MTUS1: variants seen among roughly 807,000 people sequenced by gnomAD.
MTUS1 encodes the protein microtubule associated scaffold protein 1.
Under a neutral mutation model 120.8 loss-of-function variants are expected in MTUS1, and 109 were observed. That is an observed-to-expected ratio of 0.90 (90% CI 0.77 to 1.06). The LOEUF (loss-of-function observed/expected upper bound fraction) is 1.06. Ranked by LOEUF, MTUS1 falls within the 50% of genes least tolerant of loss-of-function variation. The pLI is 0.00. For missense variants in MTUS1, 2,210 were observed against 1,486.3 expected (o/e 1.49, Z -8.01); for synonymous variants, 737 against 550.5 (o/e 1.34, Z -4.74).
At chr8:17,668,307 G>A (rs1344227673) in intron 8 of MTUS1, among the ~76,000 whole-genome samples, 4 of 152,146 alleles carry the variant, frequency 2.6e-5, no homozygotes, top group Admixed American at 6.5e-5. Flanking sequence ...GTGGCCCGGG[G>A]AAGCCAAAAG....
At chr8:17,670,088 G>A (rs964330141) in intron 8 of MTUS1, among the ~76,000 whole-genome samples, 1 of 152,182 alleles carries the variant, frequency 6.6e-6, no homozygotes, top group African/African-American at 2.4e-5. Context: ...GAGGATGGGG[G>A]AACAGGAGTA....
chr8:17,785,190 C>T (rs1179000485), intron 1 of MTUS1, among the ~76,000 whole-genome samples: 1 of 115,274 alleles, frequency 8.7e-6, no homozygotes, highest in East Asian at 2.4e-4. Flanking sequence ...ATGGTCCCAG[C>T]CTTCAAAGAG....
rs780671300 is a variant in MTUS1 at position 17,754,033 on chromosome 8, G to A, written c.1775C>T (p.Thr592Ile). ...LITSQAVHVT[T>I]HSKNASHRVP... The stretch of plus-strand genomic sequence containing the variant: ...CCTGTGTGAAGCATTTTTAGAATGA[G>A]TTGTAACATGCACAGCCTGGCTAGT... Residue 592 changes from threonine (T) to isoleucine (I), a missense_variant, in exon 2 of 15, where the codon ACT becomes ATT. Thr to Ile is a moderately conservative substitution (Grantham distance 89). Coordinates refer to ENST00000693296, the MANE Select transcript of MTUS1 (RefSeq NM_001363059.2). The A allele has an allele frequency of 6.2e-7, 1 of 1,614,182 alleles. No individual in the cohort carries two copies. Among genetic ancestry groups the A allele is most frequent in the South Asian group, 1.1e-5 (1 of 91,082 alleles).
chr8:17,649,327 G>C (rs976883931), intron 13 of MTUS1, among the ~76,000 whole-genome samples: 1 of 152,124 alleles, frequency 6.6e-6, no homozygotes, highest in Non-Finnish European at 1.5e-5. Context: ...TAAACTGCTG[G>C]CATTAGAGGA....
chr8:17,656,911 T>A (rs901703877), intron 8 of MTUS1, among the ~76,000 whole-genome samples: 3 of 150,836 alleles, frequency 2.0e-5, no homozygotes, highest in African/African-American at 7.3e-5. Flanking sequence ...TACAAAAAAT[T>A]AGCCGGGTGT....
chr8:17,701,842 C>T (rs113185892), intron 6 of MTUS1, among the ~76,000 whole-genome samples: 62,272 of 151,840 alleles, frequency 0.41, 14,343 homozygotes, highest in Middle Eastern at 0.58. Flanking sequence ...AGCCACCGCA[C>T]CCGGCCAGAA....
intron 6 of MTUS1, 84 bp from the exon 7 acceptor site, chr8:17,684,626 T>C (rs1323629309): frequency 2.8e-6 from 3 of 1,062,754 alleles, no homozygotes; most frequent in Admixed American, 1.8e-5. Flanking sequence ...AACAACCAGA[T>C]AAGCCACAGA....
rs146645904 is a variant in MTUS1 at position 17,700,861 on chromosome 8, A to G, written c.2623+12353T>C. 8.5e-3 allele frequency among the ~76,000 whole-genome samples: 1,298 copies of G among 152,182 alleles called. 23 individuals carry two copies. Among genetic ancestry groups the G allele is most frequent in the African/African-American group, 0.03 (1,226 of 41,522 alleles). Reference sequence around the variant, plus strand: ...AAATAACAAAAGAGGATGATACAGAATGTTTCATAAGTCAGTATGTTGTAA... The same window carrying G: ...AAATAACAAAAGAGGATGATACAGAGTGTTTCATAAGTCAGTATGTTGTAA... On this transcript the variant is annotated intron_variant, in intron 6 of 14. Transcript: ENST00000693296.
intron 2 of MTUS1, among the ~76,000 whole-genome samples, chr8:17,753,331 C>T (rs2048335554): frequency 6.6e-6 from 1 of 152,160 alleles, no homozygotes; most frequent in Admixed American, 6.5e-5. Context: ...ACTCCCAAGC[C>T]CTTTCTTAAA....
intron 9 of MTUS1, 33 bp downstream of exon 9, chr8:17,655,829 GC>G: frequency 6.3e-7 from 1 of 1,591,060 alleles, no homozygotes; most frequent in Non-Finnish European, 8.6e-7. Context: ...AGCAGCAGAG[GC>G]CTCAGACAAG....
chr8:17,795,786 C>T (rs552927893), intron 1 of MTUS1, among the ~76,000 whole-genome samples: 1 of 151,298 alleles, frequency 6.6e-6, no homozygotes, highest in South Asian at 2.1e-4. Flanking sequence ...ATATAAGCAC[C>T]CACCACCACA....
intron 1 of MTUS1, among the ~76,000 whole-genome samples, chr8:17,795,494 AC>A (rs1374123259): frequency 6.6e-6 from 1 of 151,310 alleles, no homozygotes; most frequent in African/African-American, 2.4e-5. Flanking sequence ...AATACATCTT[AC>A]CTGAAAGACT....
At chr8:17,762,858 T>G (rs779251026) in intron 1 of MTUS1, among the ~76,000 whole-genome samples, 1 of 152,166 alleles carries the variant, frequency 6.6e-6, no homozygotes, top group Non-Finnish European at 1.5e-5. Context: ...TTCTCCCTGG[T>G]GATACCAATC....
Position 17,748,781 on chromosome 8 carries a change from A to C in MTUS1, c.2091+4936T>G, listed in dbSNP as rs568260587. 4.0e-5 allele frequency among the ~76,000 whole-genome samples: 6 copies of C among 151,896 alleles called. No individual in the cohort carries two copies. In the South Asian group the frequency reaches 1.2e-3, roughly 32 times the overall value. On this transcript the variant is annotated intron_variant, in intron 2 of 14. Coordinates refer to ENST00000693296, the MANE Select transcript of MTUS1 (RefSeq NM_001363059.2). ...AAGTTTTACAAATGGGTTGAGAAAAACTCCTGCAACAGTATTACCCACTGC... is the reference window on the plus strand; with the variant it reads ...AAGTTTTACAAATGGGTTGAGAAAACCTCCTGCAACAGTATTACCCACTGC...
intron 6 of MTUS1, among the ~76,000 whole-genome samples, chr8:17,695,006 C>CA (rs1817675751): frequency 6.6e-6 from 1 of 152,120 alleles, no homozygotes. Flanking sequence ...TCTTGGGATC[C>CA]AGGTCAACAC....
intron 3 of MTUS1, among the ~76,000 whole-genome samples, chr8:17,732,221 C>T (rs2046633411): frequency 6.6e-6 from 1 of 152,296 alleles, no homozygotes; most frequent in South Asian, 2.1e-4. Context: ...ATTTATGAAT[C>T]GTCAAACCTG....
intron 1 of MTUS1, among the ~76,000 whole-genome samples, chr8:17,760,827 A>T (rs1379229322): frequency 6.6e-6 from 1 of 151,938 alleles, no homozygotes; most frequent in African/African-American, 2.4e-5. Flanking sequence ...AAAAAACTTG[A>T]AACAAACCAT....
At chr8:17,663,490 A>G (rs6586619) in intron 8 of MTUS1, among the ~76,000 whole-genome samples, 115,604 of 152,196 alleles carry the variant, frequency 0.76, 43,910 homozygotes, top group Middle Eastern at 0.84. Context: ...AAATGTCCTA[A>G]TAGGATAGAG....
rs572027884 is a variant in MTUS1, at chr8:17,735,941, T to C, written c.2287+7663A>G. On this transcript the variant is annotated intron_variant, in intron 3 of 14. Coordinates refer to ENST00000693296, the MANE Select transcript of MTUS1 (RefSeq NM_001363059.2). Reference sequence around the variant, plus strand: ...AGCAGAGAGGCCAGGACAGCTGAGGTGGAATCTGAAGAGCCAAGAGTTTTC... The same window carrying C: ...AGCAGAGAGGCCAGGACAGCTGAGGCGGAATCTGAAGAGCCAAGAGTTTTC... 2.0e-4 allele frequency among the ~76,000 whole-genome samples: 30 copies of C among 152,298 alleles called. No homozygotes were observed. In the Middle Eastern group the frequency reaches 0.01, roughly 52 times the overall value.
Sources: gnomAD v4.1 joint callset for allele counts (sites outside exome capture counted in the v4.1 genomes callset) on GRCh38, gnomAD v4.1.1 for gene constraint, MANE v1.5 for transcripts, NCBI Gene and HGNC (gene_info 2026-07-23, HGNC 2026-07-21) for gene names.